The following MMD2 variants were observed in gnomAD, a reference collection of about 807,000 sequenced individuals.
MMD2 encodes the protein monocyte to macrophage differentiation associated 2, also known as monocyte to macrophage differentiation factor 2.
In MMD2, 30 loss-of-function variants were observed where a neutral mutation model predicts 33.5. The observed-to-expected ratio is 0.90, with a 90% confidence interval of 0.67 to 1.22. The LOEUF is 1.22. MMD2 is among the 50% of genes most tolerant of loss of function. The probability of loss-of-function intolerance (pLI) is 0.00; values close to 1 mark genes in which losing one functional copy is unlikely to be tolerated. For synonymous variants in MMD2, 129 were observed against 123.0 expected, an observed-to-expected ratio of 1.05 and a Z score of -0.32; for missense variants, 364 against 325.4, an observed-to-expected ratio of 1.12 and a Z score of -0.91.
Position 4,916,134 on chromosome 7 carries a change from G to C in MMD2, c.291-55C>G, listed in dbSNP as rs1036169478. 2.6e-6 allele frequency: 4 copies of C among 1,554,722 alleles called. No homozygotes were observed. In the African/African-American group the frequency reaches 4.1e-5, roughly 16 times the overall value. On this transcript the variant is annotated intron_variant, in intron 3 of 6. Coordinates refer to ENST00000401401, the MANE Select transcript of MMD2 (RefSeq NM_198403.4). ...GCCCCTGCACAGCAGGGAAGGGCCA[G>C]TGCCCCCAGAGCCGTGCCCTGGACT...
chr7:4,900,231 C>T, the MMD2 span, among the ~76,000 whole-genome samples: 5 of 151,854 alleles, frequency 3.3e-5, no homozygotes. Context: ...CACTGCACTC[C>T]AGCCTGGGAG....
chr7:4,933,320 C>A (rs925056323), intron 1 of MMD2, among the ~76,000 whole-genome samples: 1 of 152,158 alleles, frequency 6.6e-6, no homozygotes. Context: ...CAAGATCGTG[C>A]CACTGCACTC....
the MMD2 span, among the ~76,000 whole-genome samples, chr7:4,894,594 T>G: frequency 6.6e-6 from 1 of 152,218 alleles, no homozygotes; most frequent in South Asian, 2.1e-4. This position sits in a 1 kb window ranked among gnomAD's most constrained non-coding sequence, Gnocchi z 4.3. Flanking sequence ...GATGGGATAG[T>G]TCCCTTGACC....
chr7:4,945,246 C>CTTCTTCTTCTTCTTCTTCTTCT (rs1562493963), intron 1 of MMD2, among the ~76,000 whole-genome samples: 1 of 22,896 alleles, frequency 4.4e-5, no homozygotes, highest in Non-Finnish European at 9.5e-5. Context: ...CTTCCTCTCT[C>CTTCTTCTTCTTCTTCTTCTTCT]TCTTTCTTTC....
chr7:4,939,413 T>C (rs375177560), intron 1 of MMD2, among the ~76,000 whole-genome samples: 1 of 151,006 alleles, frequency 6.6e-6, no homozygotes, highest in East Asian at 1.9e-4. Flanking sequence ...TGTGGTGGTG[T>C]GTACCTGTGG....
chr7:4,938,104 C>T (rs957722011), intron 1 of MMD2, among the ~76,000 whole-genome samples: 4 of 144,092 alleles, frequency 2.8e-5, no homozygotes, highest in African/African-American at 1.0e-4. Context: ...CTCCACCTCC[C>T]GGTTCAAGAG....
chr7:4,927,104 T>C (rs142193887), intron 1 of MMD2, among the ~76,000 whole-genome samples: 4 of 152,136 alleles, frequency 2.6e-5, no homozygotes, highest in Non-Finnish European at 4.4e-5. Flanking sequence ...ACAAGTGAAT[T>C]CTCCAACCCA....
intron 1 of MMD2, among the ~76,000 whole-genome samples, chr7:4,941,663 G>A (rs1435807587): frequency 1.3e-5 from 2 of 150,766 alleles, no homozygotes; most frequent in African/African-American, 4.9e-5. Flanking sequence ...TTTTTAAACA[G>A]TGGAATACTG....
rs546769580 is a variant in MMD2, at chr7:4,909,777, G to A, written c.537+104C>T. On this transcript the variant is annotated intron_variant, in intron 6 of 6. Transcript: ENST00000401401. ...AGTCATGCCAGGCCTCAGTTTCCCC[G>A]CCTGCCAAAGGAGAGGGTTTGTGAC... 1.6e-4 allele frequency: 231 copies of A among 1,482,730 alleles called. 3 individuals carry two copies. In the South Asian group the frequency reaches 1.8e-3, roughly 12 times the overall value. 91.8% of individuals were successfully genotyped at this position (1,482,730 alleles called of 1,614,324 possible).
At chr7:4,920,611 T>G (rs1785256423) in intron 2 of MMD2, among the ~76,000 whole-genome samples, 1 of 149,148 alleles carries the variant, frequency 6.7e-6, no homozygotes, top group Non-Finnish European at 1.5e-5. Context: ...CTTTCCCTTT[T>G]CCCCTTTCCT....
chr7:4,936,500 AT>A (rs990782088), intron 1 of MMD2, among the ~76,000 whole-genome samples: 25 of 152,086 alleles, frequency 1.6e-4, no homozygotes, highest in African/African-American at 6.0e-4. Flanking sequence ...TTGAATCTTT[AT>A]AAGATTGTAT....
chr7:4,907,813 AT>A (rs1031587881), intron 6 of MMD2, among the ~76,000 whole-genome samples: 28 of 151,816 alleles, frequency 1.8e-4, no homozygotes, highest in African/African-American at 6.3e-4. Flanking sequence ...AACTTCACCA[AT>A]TTTTTTTCTT....
At chr7:4,903,571 G>A (rs1452973132), downstream of MMD2, among the ~76,000 whole-genome samples, 3 of 152,212 alleles carry the variant, frequency 2.0e-5, no homozygotes, top group Non-Finnish European at 4.4e-5. Flanking sequence ...GTCGACCCTG[G>A]GGACAGCCCT....
chr7:4,908,092 G>T (rs907208802), intron 6 of MMD2, among the ~76,000 whole-genome samples: 1 of 151,152 alleles, frequency 6.6e-6, no homozygotes, highest in African/African-American at 2.4e-5. Context: ...TTACAGGTGT[G>T]AGCCACCACA....
At chr7:4,917,263 T>C (rs533134847) in intron 3 of MMD2, among the ~76,000 whole-genome samples, 25 of 152,262 alleles carry the variant, frequency 1.6e-4, no homozygotes, top group Admixed American at 7.2e-4. Context: ...GGTCTCAGCT[T>C]CCTTCTCTGT....
At chr7:4,912,385 C>T (rs1051468274) in intron 4 of MMD2, among the ~76,000 whole-genome samples, 3 of 151,632 alleles carry the variant, frequency 2.0e-5, no homozygotes, top group Non-Finnish European at 4.4e-5. Context: ...GGTGAAACCC[C>T]GTCTCTACTA....
chr7:4,926,783 C>G (rs564991162), intron 1 of MMD2, among the ~76,000 whole-genome samples: 1 of 151,462 alleles, frequency 6.6e-6, no homozygotes, highest in Non-Finnish European at 1.5e-5. Flanking sequence ...CGTGCTCTGT[C>G]GCCCAGGCTG....
chr7:4,900,759 C>A, the MMD2 span, among the ~76,000 whole-genome samples: 2 of 152,096 alleles, frequency 1.3e-5, no homozygotes, highest in African/African-American at 4.8e-5. Flanking sequence ...AGATCAGCAG[C>A]AGAACAAGTG....
In MMD2 at chr7:4,925,470, G is replaced by A. The variant is rs1785401160; in HGVS notation, c.110C>T (p.Ala37Val). 3 of 1,570,684 alleles carry A rather than the reference G, an allele frequency of 1.9e-6. No homozygotes were observed. Among genetic ancestry groups the A allele is most frequent in the Admixed American group, 1.8e-5 (1 of 56,066 alleles). Residue 37 changes from alanine (A) to valine (V), a missense_variant, in exon 2 of 7, where the codon GCC becomes GTC. Transcript: ENST00000401401. ...ACTCACAGCATGGGTGGCACAGTTG[G>A]CCGCATGTTCATACTCTGTGGGCTG... Reference protein sequence around the residue: ...RYQPTEYEHAANCATHAFWII... With the variant: ...RYQPTEYEHAVNCATHAFWII...
Sources: gnomAD v4.1 joint callset for allele counts (sites outside exome capture counted in the v4.1 genomes callset) on GRCh38, gnomAD v4.1.1 for gene constraint, Gnocchi (gnomAD v3.1) non-coding constraint, MANE v1.5 for transcripts, NCBI Gene and HGNC (gene_info 2026-07-23, HGNC 2026-07-21) for gene names.